SLC12A6: variants seen among roughly 807,000 people sequenced by gnomAD.
The protein encoded by SLC12A6 is K-Cl cotransporter 3.
Under a neutral mutation model 135.3 loss-of-function variants are expected in SLC12A6, and 66 were observed. That is an observed-to-expected ratio of 0.49 (90% CI 0.40 to 0.60). The LOEUF is 0.60. SLC12A6 is among the 20% of genes least tolerant of loss of function. The pLI, the probability that SLC12A6 is intolerant of heterozygous loss-of-function variation, is 0.00. For synonymous variants in SLC12A6, 513 were observed against 508.8 expected, an observed-to-expected ratio of 1.01 and a Z score of -0.11; for missense variants, 1,058 against 1,452.3, an observed-to-expected ratio of 0.73 and a Z score of 4.41.
intron 2 of SLC12A6, among the ~76,000 whole-genome samples, chr15:34,300,982 T>G (rs1232181299): frequency 1.3e-5 from 2 of 152,114 alleles, no homozygotes; most frequent in Non-Finnish European, 2.9e-5. Context: ...ATTTTTGTTT[T>G]TTTGAGAAGG....
intron 3 of SLC12A6, among the ~76,000 whole-genome samples, chr15:34,272,335 C>T (rs73390084): frequency 0.14 from 20,557 of 152,020 alleles, 1,505 homozygotes; most frequent in East Asian, 0.32. Flanking sequence ...TTAGAAAATA[C>T]AACAAAAAAA....
At chr15:34,253,594 A>G (rs185797480) in intron 9 of SLC12A6, among the ~76,000 whole-genome samples, 3 of 152,272 alleles carry the variant, frequency 2.0e-5, no homozygotes, top group Admixed American at 1.3e-4. Context: ...AAGTCATTAA[A>G]CCTACTGGAA....
chr15:34,269,827 G>A (rs753178032), intron 3 of SLC12A6, among the ~76,000 whole-genome samples: 1 of 152,020 alleles, frequency 6.6e-6, no homozygotes, highest in Non-Finnish European at 1.5e-5. Context: ...GTGGTATTAT[G>A]AACTGCCAGG....
At chr15:34,237,263 G>C in intron 22 of SLC12A6, 156 bp downstream of exon 22, 2 of 622,158 alleles carry the variant, frequency 3.2e-6, no homozygotes, top group Non-Finnish European at 2.7e-6. Context: ...TTCTACTTAG[G>C]GCAACAAATT....
chr15:34,309,338 T>C (rs370218725), intron 2 of SLC12A6, among the ~76,000 whole-genome samples: 1 of 149,744 alleles, frequency 6.7e-6, no homozygotes. Flanking sequence ...TTACACTTAA[T>C]ATATTTTTAT....
intron 3 of SLC12A6, among the ~76,000 whole-genome samples, chr15:34,266,069 T>C (rs1893498167): frequency 7.6e-6 from 1 of 131,058 alleles, no homozygotes; most frequent in African/African-American, 2.9e-5. Flanking sequence ...GTGGGACAAA[T>C]AATTTAGGAT....
intron 2 of SLC12A6, among the ~76,000 whole-genome samples, chr15:34,285,513 T>C (rs1417040884): frequency 6.6e-6 from 1 of 151,760 alleles, no homozygotes; most frequent in Non-Finnish European, 1.5e-5. Context: ...TGATGGTTTT[T>C]TTTTTTTTCC....
intron 2 of SLC12A6, among the ~76,000 whole-genome samples, chr15:34,304,910 C>T (rs1896498021): frequency 6.6e-6 from 1 of 152,152 alleles, no homozygotes; most frequent in Admixed American, 6.5e-5. Flanking sequence ...TGTTATTTGG[C>T]TAAAACCCCT....
chr15:34,266,139 T>G (rs1164200813), intron 3 of SLC12A6, among the ~76,000 whole-genome samples: 1 of 150,932 alleles, frequency 6.6e-6, no homozygotes, highest in East Asian at 1.9e-4. Flanking sequence ...AGACAAAGAT[T>G]GACAGACTGG....
At position 34,255,709 on chromosome 15, in the gene SLC12A6, G is replaced by A. The variant is rs190977170; in HGVS notation, c.746-317C>T. 4.6e-5 allele frequency among the ~76,000 whole-genome samples: 7 copies of A among 152,144 alleles called. No homozygotes were observed. The East Asian group carries it at 7.7e-4, about 17-fold the overall frequency. On this transcript the variant is annotated intron_variant, in intron 7 of 25. Coordinates refer to ENST00000354181, the MANE Select transcript of SLC12A6 (RefSeq NM_001365088.1). Reference sequence around the variant, plus strand: ...ATTCTGGCTGGGTGTGGAGGTTCACGCCTCTAATGGTAGCACTTTGGGAGG... The same window carrying A: ...ATTCTGGCTGGGTGTGGAGGTTCACACCTCTAATGGTAGCACTTTGGGAGG...
chr15:34,322,322 G>A (rs911271305), intron 2 of SLC12A6, among the ~76,000 whole-genome samples: 6 of 151,852 alleles, frequency 4.0e-5, no homozygotes, highest in Non-Finnish European at 5.9e-5. Context: ...CAGAGGTTGC[G>A]GTGAGCCGGG....
intron 2 of SLC12A6, among the ~76,000 whole-genome samples, chr15:34,326,798 C>T (rs972281997): frequency 1.3e-5 from 2 of 149,010 alleles, no homozygotes; most frequent in African/African-American, 5.0e-5. Context: ...CTCAAGCAAT[C>T]CTTCCATCTC....
intron 2 of SLC12A6, among the ~76,000 whole-genome samples, chr15:34,298,747 T>G (rs892749974): frequency 1.3e-5 from 2 of 152,128 alleles, no homozygotes; most frequent in African/African-American, 2.4e-5. Context: ...TTCTTCCCCC[T>G]TCCTCCCTCA....
Position 34,250,905 on chromosome 15 carries a change from C to CA in SLC12A6, c.1485dup (p.Val496CysfsTer48). 6.2e-7 allele frequency: 1 copy of CA among 1,611,488 alleles called. No individual in the cohort carries two copies. The highest frequency in any genetic ancestry group is 8.5e-7 in the Non-Finnish European group (1 of 1,177,628). ...CAACAGCCTATGTGTTTACCTGTAA[C>CA]AGAGGGAAAGAAGATTCCCACCAGA... On this transcript the variant is annotated frameshift_variant, in exon 11 of 26. Transcript: ENST00000354181. LOFTEE classifies it high-confidence loss of function.
intron 14 of SLC12A6, 43 bp from the exon 15 acceptor site, chr15:34,245,446 A>G: frequency 8.7e-7 from 1 of 1,144,350 alleles, no homozygotes; most frequent in Non-Finnish European, 1.3e-6. Flanking sequence ...GTACTGAGTC[A>G]TTGCTCTCTG....
intron 3 of SLC12A6, among the ~76,000 whole-genome samples, chr15:34,269,890 G>T (rs947579559): frequency 1.3e-5 from 2 of 152,128 alleles, no homozygotes; most frequent in African/African-American, 4.8e-5. Context: ...ATTAGCAATT[G>T]TTGATGAGTA....
Position 34,238,991 on chromosome 15 carries a change from T to A in SLC12A6, c.2606A>T (p.Asp869Val). 1.2e-6 allele frequency: 2 copies of A among 1,614,218 alleles called. No individual in the cohort carries two copies. Among genetic ancestry groups the A allele is most frequent in the Non-Finnish European group, 1.7e-6 (2 of 1,180,024 alleles). Residue 869 changes from aspartate to valine, a missense_variant, in exon 20 of 26, where the codon GAT becomes GTT. Around this residue, in one of 6 missense-constraint regions of SLC12A6, gnomAD observed 245 missense variants for 440.8 expected, o/e 0.56. Transcript: ENST00000354181. ...GWPNGWRQSE[D>V]ARAWKTFIGT... ...AATAAAAGTCTTCCAAGCGCGGGCA[T>A]CTTCGCTTTGACGCCAGCCATTAGG...
intron 2 of SLC12A6, among the ~76,000 whole-genome samples, chr15:34,316,233 A>G (rs993744421): frequency 6.6e-6 from 1 of 152,294 alleles, no homozygotes; most frequent in African/African-American, 2.4e-5. Flanking sequence ...GAAAAATGCT[A>G]CTGGTTATAT....
At chr15:34,252,416 G>A (rs375914876) in intron 9 of SLC12A6, 32 bp from the exon 10 acceptor site, 2 of 1,307,394 alleles carry the variant, frequency 1.5e-6, no homozygotes, top group South Asian at 1.2e-5. Context: ...GAAAGATCAA[G>A]TAAGGAAAAA....
Sources: gnomAD v4.1 joint callset for allele counts (sites outside exome capture counted in the v4.1 genomes callset) on GRCh38, gnomAD v4.1.1 for gene constraint, gnomAD v4.1.1 regional missense constraint, MANE v1.5 for transcripts, NCBI Gene and HGNC (gene_info 2026-07-23, HGNC 2026-07-21) for gene names.